VRTN: variants seen among roughly 807,000 people sequenced by gnomAD.
VRTN encodes vertnin.
VRTN carries 5 observed loss-of-function variants against 18.2 expected under a neutral mutation model. That is an observed-to-expected ratio of 0.27 (90% confidence interval 0.14 to 0.58). The LOEUF (loss-of-function observed/expected upper bound fraction) is 0.58. Among genes scored for constraint, VRTN ranks in the 20% least tolerant of loss-of-function variants. The pLI, the probability that VRTN is intolerant of heterozygous loss-of-function variation, is 0.91. For synonymous variants in VRTN, 381 were observed against 393.7 expected, an observed-to-expected ratio of 0.97 and a Z score of 0.38; for missense variants, 741 against 939.4, an observed-to-expected ratio of 0.79 and a Z score of 2.76.
At chr14:74,324,922 A>G (rs1428526748) in intron 1 of VRTN, among the ~76,000 whole-genome samples, 1 of 152,026 alleles carries the variant, frequency 6.6e-6, no homozygotes. Flanking sequence ...ATAAATAAAT[A>G]AATACATTCT....
chr14:74,325,927 T>C (rs115948136), intron 1 of VRTN, among the ~76,000 whole-genome samples: 546 of 152,328 alleles, frequency 3.6e-3, no homozygotes, highest in African/African-American at 0.012. Context: ...GCACTTGTTC[T>C]GGGCCAGGCA....
intron 1 of VRTN, among the ~76,000 whole-genome samples, chr14:74,349,122 A>G (rs554559077): frequency 2.0e-5 from 3 of 152,284 alleles, no homozygotes; most frequent in African/African-American, 7.2e-5. Context: ...GGTCCAGTAG[A>G]GCAACTGAAC....
intron 1 of VRTN, among the ~76,000 whole-genome samples, chr14:74,349,955 C>T (rs2085673447): frequency 6.6e-6 from 1 of 152,152 alleles, no homozygotes; most frequent in African/African-American, 2.4e-5. Flanking sequence ...TCCTTGGTTT[C>T]ATACCTTTTC....
chr14:74,309,035 G>C (rs1185385891), intron 1 of VRTN, among the ~76,000 whole-genome samples: 1 of 152,024 alleles, frequency 6.6e-6, no homozygotes, highest in Non-Finnish European at 1.5e-5. Flanking sequence ...GCTAATTTCT[G>C]TTTGAACCTC....
In VRTN at chr14:74,358,960, C is replaced by A. The variant is rs370827143; in HGVS notation, c.*68C>A. On this transcript the variant is annotated 3_prime_UTR_variant, in exon 2 of 2. Coordinates refer to ENST00000256362, the MANE Select transcript of VRTN (RefSeq NM_018228.3). The surrounding 1 kb of genome is among the most constrained non-coding windows in gnomAD (Gnocchi z 5.4). ...GGAGAGGGTCAGGGACCTGAGCTGA[C>A]CCCAGGCTTGGCCAGGATGTCCTTT... 29 of 1,518,772 alleles carry A rather than the reference C, an allele frequency of 1.9e-5. No homozygotes were observed. In the African/African-American group the frequency reaches 3.6e-4, roughly 19 times the overall value. 94.1% of individuals were successfully genotyped at this position (1,518,772 alleles called of 1,614,324 possible).
At chr14:74,304,718 CT>C (rs940997695) in intron 1 of VRTN, among the ~76,000 whole-genome samples, 4 of 152,080 alleles carry the variant, frequency 2.6e-5, no homozygotes, top group African/African-American at 7.2e-5. Context: ...ACCCCACCCC[CT>C]AGCATTGAGA....
upstream of VRTN, among the ~76,000 whole-genome samples, chr14:74,348,230 C>T (rs190499870): frequency 6.2e-4 from 95 of 152,312 alleles, no homozygotes; most frequent in Non-Finnish European, 1.1e-3. Flanking sequence ...CTCCCCTCCC[C>T]CCAAACTCTT....
rs1348374017 is a variant in VRTN, at chr14:74,357,036, CTGCTGTTCGAGGCGGCCAGCA to C, written c.259_279del (p.Phe87_Leu93del). On this transcript the variant is annotated inframe_deletion, in exon 2 of 2. Coordinates refer to ENST00000256362, the MANE Select transcript of VRTN (RefSeq NM_018228.3). This position sits in a 1 kb window ranked among gnomAD's most constrained non-coding sequence, Gnocchi z 7.8. ...GCTGGTGTGCAAGGGGGAGGGCAGC[CTGCTGTTCGAGGCGGCCAGCA>C]TGCTGCTGTGGGGTGACGCAGGCCT... The C allele has an allele frequency of 6.2e-7, 1 of 1,609,168 alleles. No individual in the cohort carries two copies. The highest frequency in any genetic ancestry group is 1.3e-5 in the African/African-American group (1 of 74,900).
intron 1 of VRTN, among the ~76,000 whole-genome samples, chr14:74,320,898 TAA>T (rs766559301): frequency 1.4e-4 from 12 of 83,592 alleles, no homozygotes; most frequent in Admixed American, 4.0e-4. Context: ...CCCATCTCTT[TAA>T]AAAAAAAAAA....
intron 2 of VRTN, among the ~76,000 whole-genome samples, chr14:74,342,851 C>G (rs2085617194): frequency 6.6e-6 from 1 of 152,062 alleles, no homozygotes; most frequent in African/African-American, 2.4e-5. Flanking sequence ...AACTCCTGGG[C>G]TCAAGTCCTC....
At chr14:74,320,898 T>TAAAA (rs766559301) in intron 1 of VRTN, among the ~76,000 whole-genome samples, 1 of 83,598 alleles carries the variant, frequency 1.2e-5, no homozygotes, top group African/African-American at 5.0e-5. Flanking sequence ...CCCATCTCTT[T>TAAAA]AAAAAAAAAA....
chr14:74,303,030 C>A (rs1434351968), upstream of VRTN: 5 of 1,104,134 alleles, frequency 4.5e-6, no homozygotes, highest in Non-Finnish European at 6.1e-6. Context: ...GAGGAAGGTG[C>A]GGGAGACGCG....
intron 2 of VRTN, among the ~76,000 whole-genome samples, chr14:74,342,796 C>A (rs912460375): frequency 6.6e-6 from 1 of 151,852 alleles, no homozygotes; most frequent in African/African-American, 2.4e-5. Flanking sequence ...TTCTTTTTTA[C>A]TTTTGTGGAG....
intron 1 of VRTN, among the ~76,000 whole-genome samples, chr14:74,319,327 G>A (rs563426589): frequency 1.6e-4 from 25 of 152,286 alleles, no homozygotes; most frequent in South Asian, 2.1e-4. Flanking sequence ...AGCCCGGCCC[G>A]CGCCTGGCCC....
rs1169929236 is a variant in VRTN, at chr14:74,331,544, T to TTATATATATATA, written c.-163-6144_-163-6133dup. 3.1e-3 allele frequency among the ~76,000 whole-genome samples: 135 copies of TTATATATATATA among 43,330 alleles called. 1 individual carries two copies. The highest frequency in any genetic ancestry group is 4.2e-3 in the Non-Finnish European group (87 of 20,478). 28.4% of individuals were successfully genotyped at this position (43,330 alleles called of 152,430 possible). On this transcript the variant is annotated intron_variant, in intron 1 of 2. Coordinates refer to the VRTN transcript ENST00000557177. ...AACTCCATCTCAAAAAAAAAAAATT[T>TTATATATATATA]TATATATATATATATATATATATAT...
chr14:74,357,159 T>C lies in VRTN; in HGVS notation c.376T>C (p.Ser126Pro). The change falls in exon 2 of 2, where the codon TCC becomes CCC. Residue 126 changes from serine (S) to proline (P), a missense_variant. Physicochemically the swap from Ser to Pro is moderately conservative, Grantham distance 74. Coordinates refer to ENST00000256362, the MANE Select transcript of VRTN (RefSeq NM_018228.3). The surrounding 1 kb of genome is among the most constrained non-coding windows in gnomAD (Gnocchi z 7.8). ...RHYYLQGMID[S>P]KVMLQAVRYS... ...CTACTACCTCCAGGGCATGATCGAC[T>C]CCAAAGTGATGCTGCAGGCCGTGCG... 6.3e-7 allele frequency: 1 copy of C among 1,599,006 alleles called. No homozygotes were observed. Among genetic ancestry groups the C allele is most frequent in the South Asian group, 1.1e-5 (1 of 90,852 alleles).
At chr14:74,307,670 A>G (rs1428588573) in intron 1 of VRTN, among the ~76,000 whole-genome samples, 1 of 152,140 alleles carries the variant, frequency 6.6e-6, no homozygotes, top group African/African-American at 2.4e-5. Flanking sequence ...AAGGCCATAT[A>G]TCATATTGGT....
rs2085737127 is a variant in VRTN, at chr14:74,357,393, C to T, written c.610C>T (p.Arg204Cys). Residue 204 changes from arginine (R) to cysteine (C), a missense_variant, in exon 2 of 2, where the codon CGT (arginine) becomes TGT (cysteine). By Grantham distance (180) the Arg-to-Cys change is radical. Around this residue, in one of 3 missense-constraint regions of VRTN, gnomAD observed 186 missense variants for 288.3 expected, o/e 0.65. Transcript: ENST00000256362. This position sits in a 1 kb window ranked among gnomAD's most constrained non-coding sequence, Gnocchi z 7.8. ...RNLKIRPYFNRVIRPRRCDHV... is the reference protein window; with the variant it reads ...RNLKIRPYFNCVIRPRRCDHV... Reference sequence around the variant, plus strand: ...CCTCAAGATCCGGCCCTACTTCAACCGTGTCATCCGGCCCCGCCGCTGCGA... The same window carrying T: ...CCTCAAGATCCGGCCCTACTTCAACTGTGTCATCCGGCCCCGCCGCTGCGA... The T allele has an allele frequency of 6.2e-7, 1 of 1,613,472 alleles. No homozygotes were observed. The highest frequency in any genetic ancestry group is 8.5e-7 in the Non-Finnish European group (1 of 1,180,024).
At chr14:74,328,244 C>A (rs80006371) in intron 1 of VRTN, among the ~76,000 whole-genome samples, 2,375 of 151,766 alleles carry the variant, frequency 0.016, 56 homozygotes, top group African/African-American at 0.055. Flanking sequence ...AGAGAAGCCA[C>A]AATAGAGCTG....
Sources: gnomAD v4.1 joint callset for allele counts (sites outside exome capture counted in the v4.1 genomes callset) on GRCh38, gnomAD v4.1.1 for gene constraint, gnomAD v4.1.1 regional missense constraint, Gnocchi (gnomAD v3.1) non-coding constraint, MANE v1.5 for transcripts, NCBI Gene and HGNC (gene_info 2026-07-23, HGNC 2026-07-21) for gene names.